PPM1H: variants seen among roughly 807,000 people sequenced by gnomAD.
PPM1H encodes the protein protein phosphatase 1H.
Under a neutral mutation model 54.9 loss-of-function variants are expected in PPM1H, and 27 were observed. The observed-to-expected ratio is 0.49, with a 90% CI of 0.36 to 0.68. The LOEUF is 0.68. Ranked by LOEUF, PPM1H falls within the 30% of genes least tolerant of loss-of-function variation. PPM1H has a pLI of 0.00. For synonymous variants in PPM1H, 305 were observed against 270.8 expected, an observed-to-expected ratio of 1.13 and a Z score of -1.24; for missense variants, 596 against 667.8, an observed-to-expected ratio of 0.89 and a Z score of 1.19.
At chr12:62,767,484 T>A (rs2076551319) in intron 4 of PPM1H, among the ~76,000 whole-genome samples, 1 of 152,268 alleles carries the variant, frequency 6.6e-6, no homozygotes, top group African/African-American at 2.4e-5. Flanking sequence ...ATCCTAAATA[T>A]CTCAATGGCT....
At chr12:62,708,870 C>T (rs966534522) in intron 6 of PPM1H, among the ~76,000 whole-genome samples, 3 of 152,268 alleles carry the variant, frequency 2.0e-5, no homozygotes, top group South Asian at 2.1e-4. Flanking sequence ...CTCACACCCC[C>T]TCCCTCTTCT....
chr12:62,764,874 T>C (rs963268214), intron 4 of PPM1H, among the ~76,000 whole-genome samples: 1 of 152,076 alleles, frequency 6.6e-6, no homozygotes, highest in Admixed American at 6.6e-5. Context: ...AGCAACTGCA[T>C]GTGTGAAGGC....
chr12:62,781,004 G>A (rs114994016), intron 4 of PPM1H, among the ~76,000 whole-genome samples: 5,749 of 152,270 alleles, frequency 0.038, 357 homozygotes, highest in African/African-American at 0.13. Flanking sequence ...TAAGAGACAC[G>A]GGACGTGTTT....
At chr12:62,709,873 C>G (rs1410711911) in intron 6 of PPM1H, among the ~76,000 whole-genome samples, 2 of 151,888 alleles carry the variant, frequency 1.3e-5, no homozygotes, top group African/African-American at 4.8e-5. Context: ...GAGTTCACAA[C>G]CAGCCTGACC....
At chr12:62,812,257 G>A (rs960829622) in intron 2 of PPM1H, among the ~76,000 whole-genome samples, 1 of 152,202 alleles carries the variant, frequency 6.6e-6, no homozygotes, top group Admixed American at 6.5e-5. Flanking sequence ...TTCAGAAAAT[G>A]TTGATGGGGC....
rs1276465014 is a variant in PPM1H, at chr12:62,934,595, C to G, written c.142G>C (p.Gly48Arg). ...RFPYGRPEFL[G>R]LSQDEVECSA... is the part of the protein sequence containing the mutation. ...CACTCCACCTCGTCCTGAGACAGCC[C>G]CAGGAACTCTGGCCGCCCGTAGGGG... The change falls in exon 1 of 10, where the codon GGG becomes CGG. Residue 48 changes from glycine (G) to arginine (R), a missense_variant. Around this residue, in one of 3 missense-constraint regions of PPM1H, gnomAD observed 382 missense variants for 387.1 expected, o/e 0.99. Coordinates refer to ENST00000228705, the MANE Select transcript of PPM1H (RefSeq NM_020700.2). The surrounding 1 kb of genome is among the most constrained non-coding windows in gnomAD (Gnocchi z 4.2). 6.4e-7 allele frequency: 1 copy of G among 1,572,248 alleles called. No individual in the cohort carries two copies. The highest frequency in any genetic ancestry group is 1.3e-5 in the African/African-American group (1 of 74,076).
chr12:62,716,367 T>C (rs2120444677), intron 6 of PPM1H, among the ~76,000 whole-genome samples: 1 of 152,300 alleles, frequency 6.6e-6, no homozygotes, highest in South Asian at 2.1e-4. Context: ...GTTTTAAGCG[T>C]TAGGTATGAG....
chr12:62,715,148 A>G (rs560897607), intron 6 of PPM1H, among the ~76,000 whole-genome samples: 1 of 152,362 alleles, frequency 6.6e-6, no homozygotes, highest in South Asian at 2.1e-4. Context: ...TTGCCAGTAA[A>G]TTATGGCCTG....
intron 1 of PPM1H, among the ~76,000 whole-genome samples, chr12:62,862,183 A>T (rs76255556): frequency 0.012 from 1,774 of 152,294 alleles, 21 homozygotes; most frequent in South Asian, 0.029. Context: ...AAAAGGATGA[A>T]ATCTTAAACA....
intron 1 of PPM1H, among the ~76,000 whole-genome samples, chr12:62,906,874 G>T (rs1174847887): frequency 6.6e-6 from 1 of 152,188 alleles, no homozygotes; most frequent in Admixed American, 6.5e-5. Context: ...GTAACAACAC[G>T]TTCCTTCTGT....
intron 1 of PPM1H, among the ~76,000 whole-genome samples, chr12:62,839,777 G>T (rs1320141190): frequency 2.0e-5 from 3 of 150,612 alleles, no homozygotes; most frequent in Non-Finnish European, 4.4e-5. Flanking sequence ...ACCACTCATT[G>T]TTGTAATCCC....
chr12:62,833,905 G>A (rs1565803662), intron 1 of PPM1H, among the ~76,000 whole-genome samples: 1 of 146,204 alleles, frequency 6.8e-6, no homozygotes. Flanking sequence ...TGATTGGAAG[G>A]AGAATTTTTT....
At chr12:62,913,468 T>C (rs772566) in intron 1 of PPM1H, among the ~76,000 whole-genome samples, 49,526 of 151,936 alleles carry the variant, frequency 0.33, 9,774 homozygotes, top group Non-Finnish European at 0.45. Flanking sequence ...CGCATCCTAC[T>C]CTGCCCTTCC....
chr12:62,656,860 CA>C (rs1196997693), intron 9 of PPM1H, among the ~76,000 whole-genome samples: 2 of 151,968 alleles, frequency 1.3e-5, no homozygotes, highest in African/African-American at 4.8e-5. Flanking sequence ...GGTGGAGGGT[CA>C]GGGGTGGCTT....
chr12:62,837,820 C>A lies in PPM1H; in HGVS notation c.246-5541G>T, dbSNP rs373367757. 4.9e-4 allele frequency among the ~76,000 whole-genome samples: 74 copies of A among 152,310 alleles called. 2 individuals are homozygous for A. The South Asian group carries it at 0.013, about 27-fold the overall frequency. On this transcript the variant is annotated intron_variant, in intron 1 of 9. Transcript: ENST00000228705. ...GACCCAAGGATGTTATCCAGCCATG[C>A]GAGTTAGAGGAGCATCTCCTCCTTT...
intron 9 of PPM1H, among the ~76,000 whole-genome samples, chr12:62,654,995 C>T (rs980937745): frequency 2.6e-5 from 4 of 152,194 alleles, no homozygotes; most frequent in South Asian, 2.1e-4. Flanking sequence ...CCCTCCTTGT[C>T]CAAGAGCAGT....
At chr12:62,808,397 T>C (rs898664796) in intron 2 of PPM1H, among the ~76,000 whole-genome samples, 28 of 151,864 alleles carry the variant, frequency 1.8e-4, no homozygotes, top group African/African-American at 6.3e-4. Context: ...AGAGGGAAGG[T>C]TGCCTTAATT....
At chr12:62,747,077 G>T (rs2120562412) in intron 4 of PPM1H, among the ~76,000 whole-genome samples, 1 of 152,120 alleles carries the variant, frequency 6.6e-6, no homozygotes, top group South Asian at 2.1e-4. Context: ...TCAGCCTCCT[G>T]AGTAGATGGG....
chr12:62,705,735 C>A (rs1046610116), intron 6 of PPM1H, among the ~76,000 whole-genome samples: 1 of 152,188 alleles, frequency 6.6e-6, no homozygotes, highest in African/African-American at 2.4e-5. Context: ...ACCCTTACTT[C>A]ATGAGCACAC....
Sources: allele counts gnomAD v4.1 joint callset (sites outside exome capture counted in the v4.1 genomes callset), GRCh38; gene constraint gnomAD v4.1.1; regional missense constraint gnomAD v4.1.1; non-coding constraint Gnocchi (gnomAD v3.1); transcripts MANE v1.5; gene names NCBI Gene and HGNC (gene_info 2026-07-23, HGNC 2026-07-21).